TLK1: variants seen among roughly 807,000 people sequenced by gnomAD.
TLK1 encodes the protein serine/threonine-protein kinase tousled-like 1.
Under a neutral mutation model 105.3 loss-of-function variants are expected in TLK1, and 24 were observed. The ratio of observed to expected loss-of-function variants is 0.23; its 90% CI spans 0.17 to 0.32. The LOEUF is 0.32. Among genes scored for constraint, TLK1 ranks in the 10% least tolerant of loss-of-function variants. The pLI, the probability that TLK1 is intolerant of heterozygous loss-of-function variation, is 1.00. For synonymous variants in TLK1, 321 were observed against 310.4 expected, an observed-to-expected ratio of 1.03 and a Z score of -0.36; for missense variants, 558 against 910.5, an observed-to-expected ratio of 0.61 and a Z score of 4.98.
rs1683890767 is a variant in TLK1 at position 170,993,659 on chromosome 2, CGTCTT to C, written c.*116_*120del. 12 of 872,368 alleles carry C rather than the reference CGTCTT, an allele frequency of 1.4e-5. No homozygotes were observed. 54.0% of individuals were successfully genotyped at this position (872,368 alleles called of 1,614,324 possible). A position where few individuals can be genotyped will look rare whatever the true frequency, so the allele number is the denominator to read the frequency against. On this transcript the variant is annotated 3_prime_UTR_variant, in exon 21 of 21. Coordinates refer to ENST00000431350, the MANE Select transcript of TLK1 (RefSeq NM_012290.5). Reference sequence around the variant, plus strand: ...TCAGTTCACAAACAGTTCTTAACCACGTCTTGTGTAAAAAAAAAAAAAAAAAAAAA... The same window carrying C: ...TCAGTTCACAAACAGTTCTTAACCACGTGTAAAAAAAAAAAAAAAAAAAAA...
intron 18 of TLK1, among the ~76,000 whole-genome samples, chr2:170,998,073 TCTATCTATCTATCTATCTAC>T (rs1415055358): frequency 3.2e-3 from 284 of 89,066 alleles, no homozygotes; most frequent in African/African-American, 6.8e-3. Context: ...TATCTATCTA[TCTATCTATCTATCTATCTAC>T]CTACCTACCT....
intron 1 of TLK1, among the ~76,000 whole-genome samples, chr2:171,130,604 C>T (rs1691063591): frequency 6.6e-6 from 1 of 152,156 alleles, no homozygotes; most frequent in Non-Finnish European, 1.5e-5. Flanking sequence ...CAAAGTAAAT[C>T]ACGTGAGAAG....
At chr2:171,057,403 T>A (rs955608795) in intron 5 of TLK1, among the ~76,000 whole-genome samples, 2 of 152,034 alleles carry the variant, frequency 1.3e-5, no homozygotes, top group African/African-American at 4.8e-5. Flanking sequence ...TAGCACATAG[T>A]AGGCATTCAA....
intron 1 of TLK1, among the ~76,000 whole-genome samples, chr2:171,181,385 T>A (rs1022449940): frequency 3.3e-5 from 5 of 152,210 alleles, no homozygotes; most frequent in African/African-American, 1.2e-4. Context: ...TTTTTGTACA[T>A]CCTAAAGCTT....
chr2:171,046,445 T>G (rs1418102691), intron 10 of TLK1, 83 bp from the exon 11 acceptor site: 1 of 1,409,366 alleles, frequency 7.1e-7, no homozygotes, highest in African/African-American at 1.4e-5. Context: ...ATAAAAAACA[T>G]GAAAAACCAT....
intron 1 of TLK1, among the ~76,000 whole-genome samples, chr2:171,211,776 C>G (rs1693620138): frequency 6.6e-6 from 1 of 151,624 alleles, no homozygotes; most frequent in African/African-American, 2.4e-5. Flanking sequence ...TCTCGAACTC[C>G]TGACCTCGTG....
chr2:171,201,469 T>C (rs1693397326), intron 1 of TLK1, among the ~76,000 whole-genome samples: 1 of 152,190 alleles, frequency 6.6e-6, no homozygotes, highest in African/African-American at 2.4e-5. Flanking sequence ...GACAGCTGTG[T>C]CATGTATCCA....
chr2:171,190,977 T>C lies in TLK1; in HGVS notation c.-6+40168A>G, dbSNP rs187471935. 8.3e-3 allele frequency among the ~76,000 whole-genome samples: 1,264 copies of C among 151,682 alleles called. 18 individuals are homozygous for C. Among genetic ancestry groups the C allele is most frequent in the Admixed American group, 0.02 (299 of 15,226 alleles). ...AGGAGTTCAAGACTAGCCTGGCCAA[T>C]ATGGTGAAACCCCATCTCTACTAAA... On this transcript the variant is annotated intron_variant, in intron 1 of 20. Coordinates refer to the TLK1 transcript ENST00000521943.
At chr2:170,998,092 ACCTAC>A (rs1684163963) in intron 18 of TLK1, among the ~76,000 whole-genome samples, 1 of 16,540 alleles carries the variant, frequency 6.0e-5, no homozygotes, top group South Asian at 3.8e-3. Flanking sequence ...CTATCTATCT[ACCTAC>A]CTACCTACCT....
Position 171,046,263 on chromosome 2 carries a change from G to A in TLK1, c.1080C>T (p.Pro360=), listed in dbSNP as rs1165731062. The change falls in exon 11 of 21, where the codon CCC becomes CCT. Residue 360 remains proline (P), a synonymous_variant. Transcript: ENST00000431350. ...KPPTANNSQA[P]STNSEPKQRK... ...TTTGTTTTGGTTCAGAATTGGTAGA[G>A]GGTGCCTGAGAATTATTAGCTGTGG... 2 of 1,613,616 alleles carry A rather than the reference G, an allele frequency of 1.2e-6. No individual in the cohort carries two copies. The highest frequency in any genetic ancestry group is 2.2e-5 in the South Asian group (2 of 91,020).
At chr2:171,210,279 T>C (rs545782718) in intron 1 of TLK1, among the ~76,000 whole-genome samples, 3 of 146,506 alleles carry the variant, frequency 2.0e-5, no homozygotes, top group Admixed American at 2.0e-4. Context: ...TTTTTTATTA[T>C]TTTTTTTTTT....
At chr2:171,147,018 A>G (rs1691819581) in intron 1 of TLK1, among the ~76,000 whole-genome samples, 1 of 152,220 alleles carries the variant, frequency 6.6e-6, no homozygotes, top group African/African-American at 2.4e-5. Flanking sequence ...CAATGAATAT[A>G]ACACCTTGAT....
At chr2:171,104,152 T>A (rs868675445) in intron 2 of TLK1, among the ~76,000 whole-genome samples, 1 of 151,788 alleles carries the variant, frequency 6.6e-6, no homozygotes, top group Non-Finnish European at 1.5e-5. Flanking sequence ...GGTGGGCGCC[T>A]GTAATCCCAG....
chr2:171,073,919 C>A (rs1045446380), intron 3 of TLK1, among the ~76,000 whole-genome samples: 1 of 118,282 alleles, frequency 8.5e-6, no homozygotes, highest in Non-Finnish European at 1.6e-5. Context: ...GAGATGGAGT[C>A]TTGCTGTGTC....
Position 171,056,606 on chromosome 2 carries a change from C to T in TLK1, c.454-40G>A, listed in dbSNP as rs1270840449. The T allele has an allele frequency of 1.2e-5, 17 of 1,477,650 alleles. 1 individual carries two copies. The highest frequency in any genetic ancestry group is 1.2e-5 in the Non-Finnish European group (13 of 1,061,484). 91.5% of individuals were successfully genotyped at this position (1,477,650 alleles called of 1,614,324 possible). On this transcript the variant is annotated intron_variant, in intron 5 of 20. Transcript: ENST00000431350. ...AAGGAAGCATTATTATTTACTAAAG[C>T]AGGCTCAGACAGTTATTTCAGATAT... is the stretch of plus-strand genomic sequence containing the variant.
chr2:171,193,430 T>G (rs1693194868), intron 1 of TLK1, among the ~76,000 whole-genome samples: 1 of 151,634 alleles, frequency 6.6e-6, no homozygotes, highest in Non-Finnish European at 1.5e-5. Flanking sequence ...GGAGTCCCGT[T>G]CTGTAGCCCA....
intron 1 of TLK1, among the ~76,000 whole-genome samples, chr2:171,182,922 CAAAAA>C (rs756752409): frequency 1.5e-4 from 9 of 61,448 alleles, no homozygotes; most frequent in African/African-American, 2.4e-4. Flanking sequence ...ACCCTGACTC[CAAAAA>C]AAAAAAAAAA....
intron 18 of TLK1, among the ~76,000 whole-genome samples, chr2:171,002,027 T>A (rs1240594679): frequency 6.6e-6 from 1 of 152,094 alleles, no homozygotes; most frequent in African/African-American, 2.4e-5. Flanking sequence ...TCCGCCCGCC[T>A]GGGCCTCACA....
At chr2:171,215,974 A>G (rs1349908050) in intron 1 of TLK1, among the ~76,000 whole-genome samples, 1 of 152,224 alleles carries the variant, frequency 6.6e-6, no homozygotes, top group African/African-American at 2.4e-5. Context: ...TCTTTGTGCC[A>G]GGCGTTGTTC....
Sources: allele counts gnomAD v4.1 joint callset (sites outside exome capture counted in the v4.1 genomes callset), GRCh38; gene constraint gnomAD v4.1.1; transcripts MANE v1.5; gene names NCBI Gene and HGNC (gene_info 2026-07-23, HGNC 2026-07-21).